Variants in APP observed in about 807,000 individuals in gnomAD.
APP encodes amyloid-beta precursor protein.
APP carries 31 observed loss-of-function variants against 101.4 expected under a neutral mutation model. The observed-to-expected ratio is 0.31, with a 90% CI of 0.23 to 0.41. The LOEUF is 0.41. APP is among the 10% of genes least tolerant of loss of function. The probability of loss-of-function intolerance (pLI) is 1.00; values close to 1 mark genes in which losing one functional copy is unlikely to be tolerated. For missense variants in APP, 839 were observed against 1,003.7 expected, an observed-to-expected ratio of 0.84 and a Z score of 2.22; for synonymous variants, 366 against 364.4, an observed-to-expected ratio of 1.00 and a Z score of -0.05.
intron 1 of APP, among the ~76,000 whole-genome samples, chr21:26,158,860 A>C (rs914169713): frequency 9.2e-5 from 14 of 152,068 alleles, no homozygotes; most frequent in Non-Finnish European, 1.9e-4. Context: ...TACCTCCTCT[A>C]TTATAGCCTT....
chr21:26,050,968 A>T (rs1294294954), intron 5 of APP, 32 bp downstream of exon 5: 2 of 1,606,200 alleles, frequency 1.2e-6, no homozygotes, highest in South Asian at 2.2e-5. Flanking sequence ...ATGTTTCAGC[A>T]TCTCTGAGGC....
At chr21:25,970,564 T>A (rs2041992965) in intron 11 of APP, among the ~76,000 whole-genome samples, 1 of 151,836 alleles carries the variant, frequency 6.6e-6, no homozygotes, top group African/African-American at 2.4e-5. Flanking sequence ...TGCAGAGATA[T>A]AAAAAAAAAT....
chr21:26,111,077 AAAGTT>A (rs1414942528), intron 2 of APP, among the ~76,000 whole-genome samples: 1 of 148,272 alleles, frequency 6.7e-6, no homozygotes, highest in Non-Finnish European at 1.5e-5. Flanking sequence ...TCCAGGATAC[AAAGTT>A]AAGTTAAAAA....
chr21:26,159,325 C>G (rs751305851), intron 1 of APP, among the ~76,000 whole-genome samples: 24 of 152,174 alleles, frequency 1.6e-4, no homozygotes, highest in Non-Finnish European at 3.2e-4. Flanking sequence ...GTGATCCACC[C>G]GCCTTGGCCT....
chr21:26,053,198 C>G lies in APP; in HGVS notation c.468+38G>C, dbSNP rs183150864. On this transcript the variant is annotated intron_variant, in intron 4 of 17. Transcript: ENST00000346798. ...GCCATTAAGCACGTCCCCAGGAAATCTTCACTTTGCAATAAGAAAGAATTT... is the reference window on the plus strand; with the variant it reads ...GCCATTAAGCACGTCCCCAGGAAATGTTCACTTTGCAATAAGAAAGAATTT... The G allele has an allele frequency of 1.6e-4, 233 of 1,466,558 alleles. No individual in the cohort carries two copies. In the East Asian group the frequency reaches 5.0e-3, roughly 31 times the overall value. 90.8% of individuals were successfully genotyped at this position (1,466,558 alleles called of 1,614,324 possible).
At position 25,900,987 on chromosome 21, in the gene APP, C is replaced by CAAAAAAAAAAAAAAAAAAAAAAAA. The variant is rs71183520; in HGVS notation, c.1964-3315_1964-3314insTTTTTTTTTTTTTTTTTTTTTTTT. Among the ~76,000 whole-genome samples the CAAAAAAAAAAAAAAAAAAAAAAAA allele has an allele frequency of 1.3e-4, 15 of 118,574 alleles. No individual in the cohort carries two copies. In the East Asian group the frequency reaches 1.6e-3, roughly 13 times the overall value. The allele number at this position is 118,574 out of a possible 152,430, so 77.8% of individuals were successfully genotyped here. ...TGGGCGACAGAGTGAGACTCCATCT[C>CAAAAAAAAAAAAAAAAAAAAAAAA]AAAAAAAAAAAAAAAAAGAATGAGC... On this transcript the variant is annotated intron_variant, in intron 15 of 17. Transcript: ENST00000346798.
At chr21:26,071,249 C>T (rs1318787536) in intron 3 of APP, among the ~76,000 whole-genome samples, 1 of 152,152 alleles carries the variant, frequency 6.6e-6, no homozygotes, top group Non-Finnish European at 1.5e-5. Context: ...CCTTTCCTGA[C>T]CCCACTCAAA....
intron 6 of APP, among the ~76,000 whole-genome samples, chr21:26,021,032 G>A (rs980056990): frequency 1.2e-4 from 18 of 147,738 alleles, no homozygotes; most frequent in East Asian, 6.0e-4. Flanking sequence ...AAAATAATGC[G>A]ATACTCACCA....
chr21:26,039,527 C>T (rs1393631421), intron 5 of APP, among the ~76,000 whole-genome samples: 1 of 152,216 alleles, frequency 6.6e-6, no homozygotes, highest in Non-Finnish European at 1.5e-5. Context: ...TAATATCAAA[C>T]TATACTTTTG....
intron 1 of APP, among the ~76,000 whole-genome samples, chr21:26,137,418 AACCCAT>A (rs1316438910): frequency 6.6e-6 from 1 of 152,206 alleles, no homozygotes; most frequent in Non-Finnish European, 1.5e-5. Context: ...CCTAAGTAAA[AACCCAT>A]ACCCTTTACT....
intron 2 of APP, among the ~76,000 whole-genome samples, chr21:26,109,816 A>G (rs1188714109): frequency 6.6e-6 from 1 of 152,224 alleles, no homozygotes; most frequent in African/African-American, 2.4e-5. Context: ...ACTATGACAC[A>G]TGTATCAAAA....
chr21:26,049,077 C>T (rs553115799), intron 5 of APP, among the ~76,000 whole-genome samples: 1 of 152,058 alleles, frequency 6.6e-6, no homozygotes, highest in African/African-American at 2.4e-5. Context: ...AATAAACCAT[C>T]AAATATTTCC....
intron 3 of APP, among the ~76,000 whole-genome samples, chr21:26,067,705 GGT>G (rs2046510957): frequency 1.3e-5 from 2 of 152,116 alleles, no homozygotes; most frequent in African/African-American, 4.8e-5. Flanking sequence ...TGTATTTATA[GGT>G]GTGTGATTAA....
chr21:25,954,533 T>C (rs190392435), intron 13 of APP, 57 bp downstream of exon 13: 10 of 1,471,238 alleles, frequency 6.8e-6, no homozygotes, highest in Admixed American at 1.8e-5. Context: ...CTTCCTCAAT[T>C]TTCCTCTGGG....
intron 6 of APP, among the ~76,000 whole-genome samples, 180 bp from the exon 7 acceptor site, chr21:26,000,362 T>G (rs910338604): frequency 5.3e-5 from 8 of 152,196 alleles, no homozygotes; most frequent in African/African-American, 9.7e-5. Flanking sequence ...GATTTACACC[T>G]CTCAGAGCAT....
intron 2 of APP, among the ~76,000 whole-genome samples, chr21:26,100,464 G>A (rs1421502804): frequency 2.0e-5 from 3 of 152,196 alleles, no homozygotes; most frequent in Non-Finnish European, 1.5e-5. Flanking sequence ...GAATGTACCA[G>A]ACCTTCTACC....
intron 1 of APP, among the ~76,000 whole-genome samples, chr21:26,142,701 C>T (rs917408992): frequency 2.0e-5 from 3 of 151,646 alleles, no homozygotes; most frequent in African/African-American, 7.3e-5. Flanking sequence ...CCCAGGAAGC[C>T]GAGGCTGCAG....
In APP at chr21:26,157,340, G is replaced by C. The variant is rs183644830; in HGVS notation, c.57+13224C>G. On this transcript the variant is annotated intron_variant, in intron 1 of 17. Coordinates refer to ENST00000346798, the MANE Select transcript of APP (RefSeq NM_000484.4). ...CCACCTCAGTCTCCCGAAGTGCTGGGATTACAGGTGTGAGCCACCGTGCCC... is the reference window on the plus strand; with the variant it reads ...CCACCTCAGTCTCCCGAAGTGCTGGCATTACAGGTGTGAGCCACCGTGCCC... Among the ~76,000 whole-genome samples the C allele has an allele frequency of 2.0e-5, 3 of 152,280 alleles. No individual in the cohort carries two copies. In the East Asian group the frequency reaches 5.8e-4, roughly 29 times the overall value.
intron 17 of APP, among the ~76,000 whole-genome samples, chr21:25,889,039 AG>A (rs1280996631): frequency 2.0e-5 from 3 of 152,160 alleles, no homozygotes; most frequent in Non-Finnish European, 4.4e-5. Context: ...ACGCACAGCC[AG>A]GGGAAGGAGC....
Sources: gnomAD v4.1 joint callset for allele counts (sites outside exome capture counted in the v4.1 genomes callset) on GRCh38, gnomAD v4.1.1 for gene constraint, MANE v1.5 for transcripts, NCBI Gene and HGNC (gene_info 2026-07-23, HGNC 2026-07-21) for gene names.